The following MTOR variants were observed in gnomAD, a reference collection of about 807,000 sequenced individuals.
MTOR encodes the protein mechanistic target of rapamycin kinase.
MTOR carries 70 observed loss-of-function variants against 319.8 expected under a neutral mutation model. The ratio of observed to expected loss-of-function variants is 0.22; its 90% CI spans 0.18 to 0.27. The LOEUF is 0.27. MTOR is among the 10% of genes least tolerant of loss of function. MTOR has a pLI of 1.00. For missense variants in MTOR, 1,890 were observed against 3,274.4 expected, an observed-to-expected ratio of 0.58 and a Z score of 10.32; for synonymous variants, 1,183 against 1,211.4, an observed-to-expected ratio of 0.98 and a Z score of 0.49.
intron 6 of MTOR, among the ~76,000 whole-genome samples, chr1:11,250,187 C>T (rs1649461005): frequency 7.1e-6 from 1 of 140,214 alleles, no homozygotes; most frequent in Non-Finnish European, 1.6e-5. Context: ...GACCCCCCGA[C>T]CTCCCTCCCG....
At chr1:11,110,284 A>G (rs1641790895) in intron 54 of MTOR, among the ~76,000 whole-genome samples, 1 of 152,248 alleles carries the variant, frequency 6.6e-6, no homozygotes, top group Admixed American at 6.5e-5. Flanking sequence ...CTCAGGTGTT[A>G]GGTTCACCCT....
chr1:11,157,251 T>TCC lies in MTOR; in HGVS notation c.4368_4369dup (p.Glu1457GlyfsTer21). On this transcript the variant is annotated frameshift_variant, in exon 30 of 58. Transcript: ENST00000361445. LOFTEE classifies it high-confidence loss of function. ...CTTGTCATAGGCCACAAGGGCATCC[T>TCC]CCCACTCGTGCAGTTTCTCATACCA... 6.2e-7 allele frequency: 1 copy of TCC among 1,614,128 alleles called. No individual in the cohort carries two copies. Among genetic ancestry groups the TCC allele is most frequent in the Non-Finnish European group, 8.5e-7 (1 of 1,179,986 alleles).
At chr1:11,114,186 G>T (rs1368224360) in intron 53 of MTOR, 132 bp downstream of exon 53, 3 of 1,046,954 alleles carry the variant, frequency 2.9e-6, no homozygotes, top group Non-Finnish European at 4.1e-6. Context: ...TGCAGAAAGG[G>T]GTCTTACTAT....
intron 28 of MTOR, among the ~76,000 whole-genome samples, chr1:11,176,500 A>G (rs17036449): frequency 0.1 from 15,370 of 152,152 alleles, 1,327 homozygotes; most frequent in African/African-American, 0.22. Flanking sequence ...ATGGCTGTGG[A>G]CCTTCTTTCT....
At chr1:11,194,571 C>G in intron 28 of MTOR, 1 of 1,614,160 alleles carries the variant, frequency 6.2e-7, no homozygotes, top group Non-Finnish European at 8.5e-7. Flanking sequence ...TGGGGAACGA[C>G]GCCCTCCAGT....
At chr1:11,238,084 T>G in intron 12 of MTOR, 36 bp from the exon 13 acceptor site, 1 of 1,601,730 alleles carries the variant, frequency 6.2e-7, no homozygotes, top group Non-Finnish European at 8.6e-7. Flanking sequence ...CATTTCCTCA[T>G]GATCCCATCA....
chr1:11,173,576 C>CCCAG (rs1644892236), intron 28 of MTOR, among the ~76,000 whole-genome samples: 2 of 152,178 alleles, frequency 1.3e-5, no homozygotes, highest in Admixed American at 1.3e-4. Context: ...AGCCACCACG[C>CCCAG]CCAGCCACAC....
chr1:11,114,728 T>G lies in MTOR; in HGVS notation c.7164+85A>C, dbSNP rs1267314202. ...AAATCACAAAGGCACTTTGGAGAACTGATGGGCTCTAACAAGCGTGTTCTC... is the reference window on the plus strand; with the variant it reads ...AAATCACAAAGGCACTTTGGAGAACGGATGGGCTCTAACAAGCGTGTTCTC... On this transcript the variant is annotated intron_variant, in intron 52 of 57. Transcript: ENST00000361445. 24 of 1,357,846 alleles carry G rather than the reference T, an allele frequency of 1.8e-5. No homozygotes were observed. In the South Asian group the frequency reaches 2.5e-4, roughly 14 times the overall value. 84.1% of individuals were successfully genotyped at this position (1,357,846 alleles called of 1,614,324 possible). A position where few individuals can be genotyped will look rare whatever the true frequency, so the allele number is the denominator to read the frequency against.
At chr1:11,235,850 C>G (rs1030642597) in intron 13 of MTOR, among the ~76,000 whole-genome samples, 1 of 151,858 alleles carries the variant, frequency 6.6e-6, no homozygotes, top group African/African-American at 2.4e-5. Context: ...GGCGTGGTGG[C>G]GGGCGCCTGT....
intron 26 of MTOR, among the ~76,000 whole-genome samples, chr1:11,200,427 T>A (rs376106255): frequency 4.1e-4 from 63 of 152,308 alleles, no homozygotes; most frequent in African/African-American, 1.4e-3. Flanking sequence ...ATTTCAAAGA[T>A]TACTATGACC....
Position 11,255,966 on chromosome 1 carries a change from T to C in MTOR, c.705+26A>G, listed in dbSNP as rs184248434. On this transcript the variant is annotated intron_variant, in intron 5 of 57. Transcript: ENST00000361445. ...TCTCTACGCAGATGTGCTTTGCTAG[T>C]GGTGGGAATGGAGCCATCTCCTTAC... 2,470 of 1,601,336 alleles carry C rather than the reference T, an allele frequency of 1.5e-3. 5 individuals are homozygous for C. The highest frequency in any genetic ancestry group is 2.0e-3 in the Non-Finnish European group (2,313 of 1,170,438).
chr1:11,113,338 A>C (rs1641990919), intron 53 of MTOR, among the ~76,000 whole-genome samples: 1 of 152,006 alleles, frequency 6.6e-6, no homozygotes, highest in South Asian at 2.1e-4. Context: ...TACTTGGTTA[A>C]TACTGAAGAA....
rs1647839042 is a variant in MTOR at position 11,240,299 on chromosome 1, T to G, written c.1786+4A>C. ...TCTTGGCAAGAGCCGTTGTAATTTC[T>G]TACCTTCAAATTCAAAGCTGCCAAG... On this transcript the variant is annotated splice_donor_region_variant and intron_variant, in intron 11 of 57. Transcript: ENST00000361445. The G allele has an allele frequency of 1.9e-6, 3 of 1,551,658 alleles. No individual in the cohort carries two copies. The highest frequency in any genetic ancestry group is 2.6e-6 in the Non-Finnish European group (3 of 1,149,884).
At chr1:11,242,308 G>A (rs531953172) in intron 9 of MTOR, among the ~76,000 whole-genome samples, 6 of 152,102 alleles carry the variant, frequency 3.9e-5, no homozygotes, top group South Asian at 2.1e-4. Flanking sequence ...AGACCAGCCC[G>A]GCCAAAATGG....
At position 11,216,377 on chromosome 1, in the gene MTOR, C is replaced by T. The variant is rs974880794; in HGVS notation, c.3031-143G>A. On this transcript the variant is annotated intron_variant, in intron 19 of 57. Coordinates refer to ENST00000361445, the MANE Select transcript of MTOR (RefSeq NM_004958.4). ...ATCTACTGAGAATATATTTCAAAGA[C>T]CCAAGCTTGGCTAGGTTTGGAGGCT... 5 of 576,898 alleles carry T rather than the reference C, an allele frequency of 8.7e-6. No homozygotes were observed. The African/African-American group carries it at 9.3e-5, about 11-fold the overall frequency. The allele number at this position is 576,898 out of a possible 1,614,324, so 35.7% of individuals were successfully genotyped here.
intron 28 of MTOR, among the ~76,000 whole-genome samples, chr1:11,174,184 G>A (rs534082177): frequency 2.0e-5 from 3 of 152,194 alleles, no homozygotes; most frequent in South Asian, 2.1e-4. Flanking sequence ...ATAATGAAGG[G>A]TATACTGCAA....
chr1:11,192,173 G>A, intron 28 of MTOR: 1 of 903,912 alleles, frequency 1.1e-6, no homozygotes, highest in Non-Finnish European at 1.8e-6. Flanking sequence ...ACACCACTGA[G>A]AATCCCAGGG....
At chr1:11,170,507 G>C (rs1308922895) in intron 28 of MTOR, among the ~76,000 whole-genome samples, 1 of 151,782 alleles carries the variant, frequency 6.6e-6, no homozygotes, top group Non-Finnish European at 1.5e-5. Flanking sequence ...CTTGAGCTCA[G>C]GAGTTTTAAA....
intron 30 of MTOR, among the ~76,000 whole-genome samples, chr1:11,156,069 C>T (rs951332283): frequency 6.6e-6 from 1 of 152,168 alleles, no homozygotes; most frequent in African/African-American, 2.4e-5. Context: ...CAGCTCACTG[C>T]AACCTCCGCC....
Sources: allele counts gnomAD v4.1 joint callset (sites outside exome capture counted in the v4.1 genomes callset), GRCh38; gene constraint gnomAD v4.1.1; transcripts MANE v1.5; gene names NCBI Gene and HGNC (gene_info 2026-07-23, HGNC 2026-07-21).